The following DOCK8 variants were observed in gnomAD, a reference collection of about 807,000 sequenced individuals.
DOCK8 encodes the protein dedicator of cytokinesis protein 8.
DOCK8 carries 141 observed loss-of-function variants against 245.6 expected under a neutral mutation model. The ratio of observed to expected loss-of-function variants is 0.57; its 90% CI spans 0.50 to 0.66. DOCK8 has a LOEUF of 0.66. Ranked by LOEUF, DOCK8 falls within the 30% of genes least tolerant of loss-of-function variation. The pLI is 0.00. For synonymous variants in DOCK8, 1,168 were observed against 970.2 expected, an observed-to-expected ratio of 1.20 and a Z score of -3.79; for missense variants, 2,965 against 2,603.4, an observed-to-expected ratio of 1.14 and a Z score of -3.02.
chr9:233,290 A>G (rs2047162232), intron 1 of DOCK8, among the ~76,000 whole-genome samples: 1 of 151,954 alleles, frequency 6.6e-6, no homozygotes, highest in Non-Finnish European at 1.5e-5. Context: ...GTTCTTTTAC[A>G]TTTGCTGAGG....
intron 4 of DOCK8, among the ~76,000 whole-genome samples, chr9:303,811 AT>A (rs1385929692): frequency 2.0e-5 from 3 of 152,226 alleles, no homozygotes; most frequent in African/African-American, 7.2e-5. Context: ...TTGGAAAAAA[AT>A]AAAAGATAAG....
chr9:417,239 C>T (rs929075563), intron 29 of DOCK8, among the ~76,000 whole-genome samples: 17 of 152,192 alleles, frequency 1.1e-4, no homozygotes, highest in African/African-American at 7.2e-5. Context: ...GCGGAGATGG[C>T]GCCACTGCAC....
intron 2 of DOCK8, among the ~76,000 whole-genome samples, chr9:279,927 C>G (rs1401042951): frequency 6.6e-6 from 1 of 152,206 alleles, no homozygotes; most frequent in African/African-American, 2.4e-5. Context: ...TTTAACCTCT[C>G]TGTTTTCACT....
intron 23 of DOCK8, among the ~76,000 whole-genome samples, chr9:387,335 C>G (rs980623928): frequency 6.6e-6 from 1 of 151,312 alleles, no homozygotes; most frequent in Non-Finnish European, 1.5e-5. Flanking sequence ...CTCAGCTACT[C>G]AGGAGGCTGA....
intron 2 of DOCK8, among the ~76,000 whole-genome samples, chr9:274,695 G>A (rs184094359): frequency 1.4e-3 from 211 of 152,138 alleles, no homozygotes; most frequent in Non-Finnish European, 2.0e-3. Context: ...GAAAGATAAT[G>A]GAACATGTCG....
intron 2 of DOCK8, among the ~76,000 whole-genome samples, chr9:273,976 G>A (rs1015274060): frequency 1.3e-5 from 2 of 152,214 alleles, no homozygotes; most frequent in Admixed American, 6.5e-5. Context: ...AAAGTGCTGG[G>A]ATTACGAGCA....
chr9:214,534 A>T, upstream of DOCK8: 1 of 1,613,398 alleles, frequency 6.2e-7, no homozygotes, highest in Non-Finnish European at 8.5e-7. Flanking sequence ...GTGATTCCCG[A>T]CCTCGCCAGC....
chr9:214,738 C>T (rs1435340670), upstream of DOCK8: 6 of 1,520,172 alleles, frequency 3.9e-6, no homozygotes, highest in Non-Finnish European at 4.4e-6. Context: ...CCCACGCCCT[C>T]CTCGCCCGCC....
chr9:415,692 G>GCACACACACACACACGCACACA (rs1554699023), intron 29 of DOCK8, among the ~76,000 whole-genome samples: 9 of 150,978 alleles, frequency 6.0e-5, no homozygotes, highest in Non-Finnish European at 1.5e-5. Flanking sequence ...GTGCGCGCGT[G>GCACACACACACACACGCACACA]CACACACACA....
intron 25 of DOCK8, among the ~76,000 whole-genome samples, chr9:398,933 C>T (rs1176029162): frequency 6.6e-6 from 1 of 152,058 alleles, no homozygotes; most frequent in Non-Finnish European, 1.5e-5. Flanking sequence ...GAAGGAAATG[C>T]ACCTAAATAT....
At chr9:355,532 T>G (rs928701232) in intron 14 of DOCK8, among the ~76,000 whole-genome samples, 2 of 151,938 alleles carry the variant, frequency 1.3e-5, no homozygotes, top group Admixed American at 1.3e-4. Flanking sequence ...ACATCTGCAA[T>G]GCATCACTCT....
chr9:376,808 C>T (rs2053536187), intron 19 of DOCK8, among the ~76,000 whole-genome samples, 169 bp from the exon 20 acceptor site: 1 of 152,218 alleles, frequency 6.6e-6, no homozygotes, highest in Non-Finnish European at 1.5e-5. Flanking sequence ...GCACCACATT[C>T]TACAAAGAAG....
chr9:400,959 C>G (rs868737529), intron 26 of DOCK8, among the ~76,000 whole-genome samples: 2 of 47,878 alleles, frequency 4.2e-5, no homozygotes, highest in African/African-American at 4.9e-4. Context: ...ACCACCACCA[C>G]CACCACCTCC....
intron 3 of DOCK8, among the ~76,000 whole-genome samples, chr9:286,992 G>A (rs748364603): frequency 7.9e-5 from 12 of 152,174 alleles, no homozygotes; most frequent in African/African-American, 1.4e-4. Flanking sequence ...TTCTCCATTT[G>A]TAAAAATGTC....
chr9:415,351 C>T (rs186804296), intron 29 of DOCK8, among the ~76,000 whole-genome samples: 24 of 151,996 alleles, frequency 1.6e-4, no homozygotes, highest in Admixed American at 1.3e-3. Flanking sequence ...AGCAAAAAAG[C>T]GGTCTCAAAT....
At chr9:251,027 AG>A (rs2047632554) in intron 1 of DOCK8, among the ~76,000 whole-genome samples, 1 of 152,226 alleles carries the variant, frequency 6.6e-6, no homozygotes. Flanking sequence ...GCAGACTTAT[AG>A]GAAGCAAAGA....
chr9:304,310 C>G (rs1018008361), intron 4 of DOCK8, among the ~76,000 whole-genome samples: 1 of 152,188 alleles, frequency 6.6e-6, no homozygotes, highest in Non-Finnish European at 1.5e-5. Context: ...TGCCCCACAG[C>G]TGAAATGACC....
chr9:445,080 GAC>G lies in DOCK8; in HGVS notation c.5581-1286_5581-1285del, dbSNP rs370664640. Among the ~76,000 whole-genome samples the G allele has an allele frequency of 3.8e-3, 575 of 152,328 alleles. 3 individuals are homozygous for G. Among genetic ancestry groups the G allele is most frequent in the African/African-American group, 0.013 (542 of 41,568 alleles). On this transcript the variant is annotated intron_variant, in intron 43 of 47. Transcript: ENST00000432829. ...TTTTTCAGAATGCTTTCTCACTTAA[GAC>G]ACATTCCCTAGCCTCGGCTTGAAAG...
At chr9:390,709 C>T in intron 24 of DOCK8, 143 bp downstream of exon 24, 1 of 759,942 alleles carries the variant, frequency 1.3e-6, no homozygotes. Flanking sequence ...TCACCCCTCC[C>T]ATCCTTCTTC....
Sources: gnomAD v4.1 joint callset for allele counts (sites outside exome capture counted in the v4.1 genomes callset) on GRCh38, gnomAD v4.1.1 for gene constraint, MANE v1.5 for transcripts, NCBI Gene and HGNC (gene_info 2026-07-23, HGNC 2026-07-21) for gene names.